PPP2R5A: variants seen among roughly 807,000 people sequenced by gnomAD.
The protein encoded by PPP2R5A is serine/threonine-protein phosphatase 2A 56 kDa regulatory subunit alpha isoform.
In PPP2R5A, 25 loss-of-function variants were observed where a neutral mutation model predicts 64.2. The observed-to-expected ratio is 0.39, with a 90% CI of 0.28 to 0.54. PPP2R5A has a LOEUF of 0.54. Ranked by LOEUF, PPP2R5A falls within the 20% of genes least tolerant of loss-of-function variation. The pLI, the probability that PPP2R5A is intolerant of heterozygous loss-of-function variation, is 0.67. For missense variants in PPP2R5A, 425 were observed against 576.3 expected (o/e 0.74, Z 2.69); for synonymous variants, 198 against 201.2 (o/e 0.98, Z 0.13).
At chr1:212,330,862 T>A (rs7521853) in intron 2 of PPP2R5A, among the ~76,000 whole-genome samples, 1 of 145,392 alleles carries the variant, frequency 6.9e-6, no homozygotes, top group African/African-American at 2.7e-5. Flanking sequence ...CAAAAAAAAA[T>A]TTTTTTTTTT....
At chr1:212,308,742 C>A (rs575573247) in intron 1 of PPP2R5A, among the ~76,000 whole-genome samples, 2 of 152,242 alleles carry the variant, frequency 1.3e-5, no homozygotes, top group East Asian at 3.9e-4. Flanking sequence ...TCCTATAGGT[C>A]TCTGAAGTTC....
rs964805547 is a variant in PPP2R5A at position 212,338,580 on chromosome 1, A to C, written c.481-3608A>C. 3.3e-5 allele frequency among the ~76,000 whole-genome samples: 5 copies of C among 152,158 alleles called. No individual in the cohort carries two copies. The East Asian group carries it at 9.7e-4, about 29-fold the overall frequency. On this transcript the variant is annotated intron_variant, in intron 3 of 12. Transcript: ENST00000261461. ...AGGTCAGAAGGATCATGAGGTCAGGAGTTCGAGACCAGCCTGAACAACATG... is the reference window on the plus strand; with the variant it reads ...AGGTCAGAAGGATCATGAGGTCAGGCGTTCGAGACCAGCCTGAACAACATG...
intron 1 of PPP2R5A, among the ~76,000 whole-genome samples, chr1:212,327,597 T>C (rs1041049223): frequency 2.0e-5 from 3 of 151,908 alleles, no homozygotes; most frequent in African/African-American, 7.3e-5. Context: ...GTATTTTTAG[T>C]AGAGATGGGG....
At chr1:212,360,346 G>T (rs1558157678) in intron 12 of PPP2R5A, among the ~76,000 whole-genome samples, 1 of 152,170 alleles carries the variant, frequency 6.6e-6, no homozygotes, top group Non-Finnish European at 1.5e-5. Flanking sequence ...TGAGAAAATT[G>T]ACGTGTAAGT....
intron 5 of PPP2R5A, 149 bp downstream of exon 5, chr1:212,346,082 GC>G: frequency 2.7e-6 from 2 of 750,374 alleles, no homozygotes; most frequent in African/African-American, 1.8e-5. Context: ...GCTCATTGTA[GC>G]CCCCATCTCC....
intron 3 of PPP2R5A, among the ~76,000 whole-genome samples, chr1:212,340,777 CT>C (rs1305708766): frequency 6.6e-6 from 1 of 152,170 alleles, no homozygotes; most frequent in East Asian, 1.9e-4. Context: ...GATCCCCAAA[CT>C]TTTGTTAGCT....
intron 1 of PPP2R5A, among the ~76,000 whole-genome samples, chr1:212,292,509 G>T (rs1482540091): frequency 2.6e-5 from 4 of 152,178 alleles, no homozygotes; most frequent in African/African-American, 4.8e-5. Flanking sequence ...CCTTTAGATT[G>T]TGCTGCTTTT....
chr1:212,338,464 A>G (rs1659626782), intron 3 of PPP2R5A, among the ~76,000 whole-genome samples: 1 of 152,186 alleles, frequency 6.6e-6, no homozygotes. Flanking sequence ...AGAAGACCAT[A>G]GAAGGCTGGG....
chr1:212,285,905 A>T lies in PPP2R5A; in HGVS notation c.-206A>T. 4.6e-6 allele frequency: 2 copies of T among 439,250 alleles called. No individual in the cohort carries two copies. The highest frequency in any genetic ancestry group is 1.4e-4 in the South Asian group (2 of 14,308). 27.2% of individuals were successfully genotyped at this position (439,250 alleles called of 1,614,324 possible). ...GGGAGCTCGCCGCGCGCCGGGGACC[A>T]GGAACCTCCAGCGCTGAGATGTGGC... On this transcript the variant is annotated 5_prime_UTR_variant, in exon 1 of 13. Coordinates refer to ENST00000261461, the MANE Select transcript of PPP2R5A (RefSeq NM_006243.4).
chr1:212,302,997 C>T (rs1326120752), intron 1 of PPP2R5A, among the ~76,000 whole-genome samples: 1 of 152,152 alleles, frequency 6.6e-6, no homozygotes, highest in Non-Finnish European at 1.5e-5. Flanking sequence ...ATTCCTCACT[C>T]GATGGACATT....
chr1:212,360,768 T>TA lies in PPP2R5A; in HGVS notation c.*7dup, dbSNP rs540232176. 531 of 1,500,236 alleles carry TA rather than the reference T, an allele frequency of 3.5e-4. 2 individuals carry two copies. Among genetic ancestry groups the TA allele is most frequent in the Admixed American group, 2.2e-3 (85 of 39,458 alleles). 92.9% of individuals were successfully genotyped at this position (1,500,236 alleles called of 1,614,324 possible). A position where few individuals can be genotyped will look rare whatever the true frequency, so the allele number is the denominator to read the frequency against. ...TATTCTCAGCAATACAAGTGCCGAA[T>TA]AAAAAAAAAGCCTCCCACCTCTGCC... The part of the protein sequence containing the change: ...HSILSNTSAE[*] The change falls in exon 13 of 13, where the codon TAA becomes TAAA. Residue 487 remains the stop codon, a frameshift_variant and stop_retained_variant. Transcript: ENST00000261461. LOFTEE classifies it high-confidence loss of function.
intron 1 of PPP2R5A, among the ~76,000 whole-genome samples, chr1:212,314,766 TTGGCCAGGTTGGTCTCAACTCC>T (rs1266496376): frequency 6.6e-6 from 1 of 152,048 alleles, no homozygotes; most frequent in Non-Finnish European, 1.5e-5. Flanking sequence ...TTTCACCATA[TTGGCCAGGTTGGTCTCAACTCC>T]TGACTTGAAG....
chr1:212,302,328 ATGTGT>A (rs1243270979), intron 1 of PPP2R5A, among the ~76,000 whole-genome samples: 1 of 152,052 alleles, frequency 6.6e-6, no homozygotes, highest in Non-Finnish European at 1.5e-5. Context: ...TTTTCATTTT[ATGTGT>A]TGGTTTTAGT....
rs1294332219 is a variant in PPP2R5A at position 212,360,776 on chromosome 1, A to G, written c.*6A>G. On this transcript the variant is annotated 3_prime_UTR_variant, in exon 13 of 13. Coordinates refer to ENST00000261461, the MANE Select transcript of PPP2R5A (RefSeq NM_006243.4). The stretch of plus-strand genomic sequence containing the variant: ...GCAATACAAGTGCCGAATAAAAAAA[A>G]AGCCTCCCACCTCTGCCGGATAGGC... 4.6e-6 allele frequency: 7 copies of G among 1,514,536 alleles called. No homozygotes were observed. The highest frequency in any genetic ancestry group is 1.4e-5 in the African/African-American group (1 of 70,096). The allele number at this position is 1,514,536 out of a possible 1,614,324, so 93.8% of individuals were successfully genotyped here.
intron 8 of PPP2R5A, among the ~76,000 whole-genome samples, chr1:212,352,419 G>C (rs1047141947): frequency 2.6e-5 from 4 of 151,712 alleles, no homozygotes; most frequent in African/African-American, 7.3e-5. Flanking sequence ...ATGAGGGTAA[G>C]GAACTACATT....
chr1:212,344,207 C>T (rs1338851982), intron 4 of PPP2R5A, among the ~76,000 whole-genome samples: 3 of 152,224 alleles, frequency 2.0e-5, no homozygotes, highest in East Asian at 3.8e-4. Flanking sequence ...TCCCTGACCT[C>T]AAGTGATCCG....
chr1:212,354,742 G>GAGAGAGAGAGAGAGAA (rs1462267156), intron 8 of PPP2R5A, among the ~76,000 whole-genome samples: 1 of 151,428 alleles, frequency 6.6e-6, no homozygotes, highest in African/African-American at 2.4e-5. Flanking sequence ...GAGAGAGAGA[G>GAGAGAGAGAGAGAGAA]AGAGAAATGT....
At chr1:212,307,519 T>C (rs1487270037) in intron 1 of PPP2R5A, among the ~76,000 whole-genome samples, 2 of 152,160 alleles carry the variant, frequency 1.3e-5, no homozygotes, top group South Asian at 2.1e-4. Context: ...TCCTCCCACC[T>C]CCTCCTTTGT....
Position 212,360,726 on chromosome 1 carries a change from G to A in PPP2R5A, c.1417G>A (p.Ala473Thr), listed in dbSNP as rs1014789613. Residue 473 changes from alanine to threonine, a missense_variant, in exon 13 of 13, where the codon GCT becomes ACT. Transcript: ENST00000261461. ...LKKALEKQNS[A>T]YNMHSILSNT... Reference sequence around the variant, plus strand: ...GAAAGCTCTAGAAAAACAGAATAGTGCTTACAACATGCACAGTATTCTCAG... The same window carrying A: ...GAAAGCTCTAGAAAAACAGAATAGTACTTACAACATGCACAGTATTCTCAG... 4 of 1,599,478 alleles carry A rather than the reference G, an allele frequency of 2.5e-6. No homozygotes were observed. Among genetic ancestry groups the A allele is most frequent in the Non-Finnish European group, 3.4e-6 (4 of 1,174,714 alleles).
Sources: allele counts gnomAD v4.1 joint callset (sites outside exome capture counted in the v4.1 genomes callset), GRCh38; gene constraint gnomAD v4.1.1; transcripts MANE v1.5; gene names NCBI Gene and HGNC (gene_info 2026-07-23, HGNC 2026-07-21).